Variants in SGCZ observed in about 807,000 individuals in gnomAD.
The protein encoded by SGCZ is sarcoglycan zeta, also known as zeta-sarcoglycan.
Under a neutral mutation model 41.3 loss-of-function variants are expected in SGCZ, and 40 were observed. The ratio of observed to expected loss-of-function variants is 0.97; its 90% CI spans 0.75 to 1.26. The LOEUF (loss-of-function observed/expected upper bound fraction) is 1.26. Among genes scored for constraint, SGCZ ranks in the 50% most tolerant of loss-of-function variants. The pLI is 0.00. For missense variants in SGCZ, 552 were observed against 369.8 expected (o/e 1.49, Z -4.04); for synonymous variants, 206 against 137.5 (o/e 1.50, Z -3.49).
intron 4 of SGCZ, among the ~76,000 whole-genome samples, chr8:14,203,013 G>C (rs777459519): frequency 6.6e-6 from 1 of 152,066 alleles, no homozygotes; most frequent in Non-Finnish European, 1.5e-5. Context: ...TTTAAAAATG[G>C]GAGTTTCCCT....
intron 4 of SGCZ, among the ~76,000 whole-genome samples, chr8:14,216,806 A>G (rs542403693): frequency 5.9e-5 from 9 of 152,222 alleles, no homozygotes; most frequent in Non-Finnish European, 1.0e-4. Flanking sequence ...ATCAGTAACA[A>G]GAAAAGCATG....
At chr8:14,655,590 G>A (rs1807539660) in intron 1 of SGCZ, among the ~76,000 whole-genome samples, 1 of 152,058 alleles carries the variant, frequency 6.6e-6, no homozygotes, top group Non-Finnish European at 1.5e-5. Flanking sequence ...TTCACCAGTA[G>A]TTGTAAGAAA....
Position 14,085,163 on chromosome 8 carries a change from C to G in SGCZ, c.*5280G>C, listed in dbSNP as rs1321062674. On this transcript the variant is annotated 3_prime_UTR_variant, in exon 8 of 8. Transcript: ENST00000382080. Reference sequence around the variant, plus strand: ...ATAGAAAAAGTGATTTTACATAAAGCAAGATAGAGTACAAAAGCACAGCTT... The same window carrying G: ...ATAGAAAAAGTGATTTTACATAAAGGAAGATAGAGTACAAAAGCACAGCTT... Among the ~76,000 whole-genome samples the G allele has an allele frequency of 6.6e-6, 1 of 151,484 alleles. No individual in the cohort carries two copies. The highest frequency in any genetic ancestry group is 2.4e-5 in the African/African-American group (1 of 41,298).
chr8:14,274,324 A>G (rs2117270936), intron 3 of SGCZ, among the ~76,000 whole-genome samples: 1 of 152,256 alleles, frequency 6.6e-6, no homozygotes, highest in East Asian at 1.9e-4. Context: ...ATCTTTTAGC[A>G]CTGTTAAGGT....
intron 3 of SGCZ, among the ~76,000 whole-genome samples, chr8:14,256,136 G>A (rs1242800993): frequency 6.6e-6 from 1 of 152,210 alleles, no homozygotes; most frequent in Non-Finnish European, 1.5e-5. Flanking sequence ...GATGGCAGAA[G>A]CATATGATAT....
At chr8:14,692,998 C>T (rs780972595) in intron 1 of SGCZ, among the ~76,000 whole-genome samples, 6 of 152,114 alleles carry the variant, frequency 3.9e-5, no homozygotes, top group African/African-American at 1.4e-4. Context: ...CTCTGTATAA[C>T]TTTAATGGAT....
chr8:15,023,107 G>A (rs1381460246), intron 1 of SGCZ, among the ~76,000 whole-genome samples: 1 of 152,160 alleles, frequency 6.6e-6, no homozygotes, highest in East Asian at 1.9e-4. Flanking sequence ...GCTGCCAGCT[G>A]TCATCATCTG....
chr8:14,893,040 T>C (rs1310400202), intron 1 of SGCZ, among the ~76,000 whole-genome samples: 1 of 152,194 alleles, frequency 6.6e-6, no homozygotes, highest in Non-Finnish European at 1.5e-5. Context: ...TGTGAATGTG[T>C]TGCCTAACTT....
At chr8:14,912,368 A>C (rs180772418) in intron 1 of SGCZ, among the ~76,000 whole-genome samples, 5 of 152,070 alleles carry the variant, frequency 3.3e-5, no homozygotes, top group Non-Finnish European at 5.9e-5. Flanking sequence ...GACACAATTT[A>C]TAAAATGTCT....
chr8:14,755,416 T>C (rs1380545855), intron 1 of SGCZ, among the ~76,000 whole-genome samples: 1 of 118,666 alleles, frequency 8.4e-6, no homozygotes. Flanking sequence ...AATGGGCTTT[T>C]TTAAGTGTCA....
At chr8:14,452,691 G>C (rs539593876) in intron 2 of SGCZ, among the ~76,000 whole-genome samples, 9 of 152,146 alleles carry the variant, frequency 5.9e-5, no homozygotes, top group African/African-American at 2.2e-4. Context: ...TGTGGAGGCC[G>C]GGAGATAGGG....
chr8:14,961,142 C>G (rs190523433), intron 1 of SGCZ, among the ~76,000 whole-genome samples: 27 of 152,240 alleles, frequency 1.8e-4, no homozygotes, highest in African/African-American at 6.0e-4. Flanking sequence ...ATCTTTTAGC[C>G]TATGGGTACT....
chr8:14,316,263 T>C (rs1801711790), intron 3 of SGCZ, among the ~76,000 whole-genome samples: 1 of 152,000 alleles, frequency 6.6e-6, no homozygotes, highest in Non-Finnish European at 1.5e-5. Flanking sequence ...ACTGAGCATA[T>C]GCAATAATTC....
At chr8:15,091,612 C>T (rs535893240) in intron 1 of SGCZ, among the ~76,000 whole-genome samples, 1 of 152,248 alleles carries the variant, frequency 6.6e-6, no homozygotes, top group South Asian at 2.1e-4. Flanking sequence ...CATCCTTCCA[C>T]AGATCTGCTG....
intron 1 of SGCZ, among the ~76,000 whole-genome samples, chr8:14,614,699 G>C (rs886576455): frequency 6.6e-6 from 1 of 151,890 alleles, no homozygotes; most frequent in Non-Finnish European, 1.5e-5. Flanking sequence ...GACTACAGAG[G>C]GAAAATGTGT....
chr8:15,093,046 G>C (rs1806208779), intron 1 of SGCZ, among the ~76,000 whole-genome samples: 1 of 152,148 alleles, frequency 6.6e-6, no homozygotes, highest in African/African-American at 2.4e-5. Flanking sequence ...TTCTGAAAGT[G>C]TCTAGTCCAT....
At chr8:14,628,428 G>C (rs1806535279) in intron 1 of SGCZ, among the ~76,000 whole-genome samples, 1 of 152,022 alleles carries the variant, frequency 6.6e-6, no homozygotes, top group Non-Finnish European at 1.5e-5. Flanking sequence ...CTCACAGCTA[G>C]AGAAAGCTTC....
intron 2 of SGCZ, among the ~76,000 whole-genome samples, chr8:14,392,881 A>G (rs1159932562): frequency 1.3e-5 from 2 of 152,208 alleles, no homozygotes; most frequent in African/African-American, 4.8e-5. Context: ...ATGTTCTAAT[A>G]AAATATTAAA....
intron 3 of SGCZ, among the ~76,000 whole-genome samples, chr8:14,310,606 C>G (rs992401539): frequency 6.6e-6 from 1 of 151,992 alleles, no homozygotes; most frequent in Non-Finnish European, 1.5e-5. Flanking sequence ...TTAAAAATGG[C>G]TCAAGGAGTA....
Sources: gnomAD v4.1 joint callset for allele counts (sites outside exome capture counted in the v4.1 genomes callset) on GRCh38, gnomAD v4.1.1 for gene constraint, MANE v1.5 for transcripts, NCBI Gene and HGNC (gene_info 2026-07-23, HGNC 2026-07-21) for gene names.